The following CNGA1 variants were observed in gnomAD, a reference collection of about 807,000 sequenced individuals.
The protein encoded by CNGA1 is cyclic nucleotide gated channel subunit alpha 1, also known as cyclic nucleotide-gated channel alpha-1.
Under a neutral mutation model 69.7 loss-of-function variants are expected in CNGA1, and 53 were observed. The ratio of observed to expected loss-of-function variants is 0.76; its 90% CI spans 0.61 to 0.96. CNGA1 has a LOEUF of 0.96. Ranked by LOEUF, CNGA1 falls within the 40% of genes least tolerant of loss-of-function variation. CNGA1 has a pLI of 0.00. For synonymous variants in CNGA1, 249 were observed against 283.5 expected, an observed-to-expected ratio of 0.88 and a Z score of 1.22; for missense variants, 739 against 811.2, an observed-to-expected ratio of 0.91 and a Z score of 1.08.
chr4:48,008,480 TA>T (rs1361504940), intron 2 of CNGA1, among the ~76,000 whole-genome samples: 2 of 152,208 alleles, frequency 1.3e-5, no homozygotes, highest in African/African-American at 4.8e-5. Flanking sequence ...CCACCTTTTT[TA>T]AAAGGACACT....
intron 2 of CNGA1, among the ~76,000 whole-genome samples, chr4:47,992,449 C>A (rs1241155017): frequency 6.7e-6 from 1 of 149,222 alleles, no homozygotes; most frequent in African/African-American, 2.5e-5. Context: ...AGTTTGAGTT[C>A]TTGATTTGAT....
At chr4:47,985,500 CT>C (rs988171070) in intron 2 of CNGA1, among the ~76,000 whole-genome samples, 106 of 152,226 alleles carry the variant, frequency 7.0e-4, no homozygotes, top group African/African-American at 2.5e-3. Context: ...TTGAAACTTT[CT>C]TAAATGATTT....
chr4:47,962,422 GA>G (rs55895627), intron 3 of CNGA1, among the ~76,000 whole-genome samples: 80,128 of 149,780 alleles, frequency 0.53, 22,998 homozygotes, highest in Non-Finnish European at 0.64. Context: ...TGTTGAAAAT[GA>G]AAAAAAAAAG....
intron 2 of CNGA1, among the ~76,000 whole-genome samples, chr4:47,989,615 T>C (rs1446647781): frequency 6.6e-6 from 1 of 152,184 alleles, no homozygotes; most frequent in East Asian, 1.9e-4. Context: ...AAAAGTTAAA[T>C]AATCAAAATT....
chr4:48,016,471 TCC>T lies in CNGA1; in HGVS notation c.-223+10_-223+11del. 3.3e-6 allele frequency: 1 copy of T among 307,316 alleles called. No individual in the cohort carries two copies. Among genetic ancestry groups the T allele is most frequent in the Non-Finnish European group, 6.0e-6 (1 of 166,626 alleles). 19.0% of individuals were successfully genotyped at this position (307,316 alleles called of 1,614,324 possible). On this transcript the variant is annotated intron_variant, in intron 1 of 10. Coordinates refer to ENST00000514170, the MANE Select transcript of CNGA1 (RefSeq NM_001379270.1). ...CAGTGCAGCCTCCACTCCACTCAAT[TCC>T]CGGAGTTACCTTGGCGGGCTCCACG...
intron 3 of CNGA1, among the ~76,000 whole-genome samples, chr4:47,979,499 T>A (rs6854375): frequency 0.11 from 17,244 of 152,116 alleles, 1,576 homozygotes; most frequent in East Asian, 0.32. Context: ...CTGAGGTAAA[T>A]GGCTGTAGCA....
intron 2 of CNGA1, among the ~76,000 whole-genome samples, chr4:47,991,484 A>G (rs1742266011): frequency 6.6e-6 from 1 of 152,056 alleles, no homozygotes; most frequent in African/African-American, 2.4e-5. Flanking sequence ...TTGTCTATTC[A>G]TGTTCTTAGC....
intron 3 of CNGA1, among the ~76,000 whole-genome samples, chr4:47,962,534 T>G (rs1740507269): frequency 6.6e-6 from 1 of 152,164 alleles, no homozygotes; most frequent in African/African-American, 2.4e-5. Flanking sequence ...TTCAGGTAAT[T>G]CTCACTACAA....
At chr4:48,008,096 T>G (rs1267125983) in intron 2 of CNGA1, among the ~76,000 whole-genome samples, 2 of 152,206 alleles carry the variant, frequency 1.3e-5, no homozygotes, top group Non-Finnish European at 2.9e-5. Context: ...TAAATGTTTT[T>G]GGGTTTTTTT....
At chr4:47,981,367 A>G (rs1000354809) in intron 3 of CNGA1, 26 bp downstream of exon 3, 5 of 152,188 alleles carry the variant, frequency 3.3e-5, no homozygotes, top group Admixed American at 2.6e-4. Context: ...ATATAACTCT[A>G]ATTATCGTTA....
intron 5 of CNGA1, among the ~76,000 whole-genome samples, chr4:47,950,438 T>C (rs1020384214): frequency 4.6e-5 from 7 of 152,210 alleles, no homozygotes; most frequent in Admixed American, 3.3e-4. Context: ...TCTTTATAAA[T>C]TAACCAGTCT....
intron 9 of CNGA1, 103 bp downstream of exon 9, chr4:47,941,938 A>T (rs1222415748): frequency 1.4e-6 from 1 of 699,568 alleles, no homozygotes; most frequent in East Asian, 2.7e-5. Context: ...TAGAGAAAGG[A>T]GGTGTGTCCT....
intron 2 of CNGA1, among the ~76,000 whole-genome samples, chr4:47,990,202 G>C (rs1742197550): frequency 6.6e-6 from 1 of 152,148 alleles, no homozygotes; most frequent in Non-Finnish European, 1.5e-5. Context: ...AGGTCTGACT[G>C]CCTGTGGGGT....
chr4:47,975,038 G>A (rs1387411624), intron 3 of CNGA1, among the ~76,000 whole-genome samples: 1 of 152,152 alleles, frequency 6.6e-6, no homozygotes, highest in Non-Finnish European at 1.5e-5. Context: ...ACAAATACTA[G>A]TTGATAATAT....
At position 47,992,900 on chromosome 4, in the gene CNGA1, A is replaced by G. The variant is rs183393707; in HGVS notation, c.-122-11400T>C. Reference sequence around the variant, plus strand: ...ATTTTGCTGAGAGTTTTAATCATAAAAGGATGTTGGATTTTGTTGAATGCT... The same window carrying G: ...ATTTTGCTGAGAGTTTTAATCATAAGAGGATGTTGGATTTTGTTGAATGCT... On this transcript the variant is annotated intron_variant, in intron 2 of 10. Transcript: ENST00000514170. 1.4e-4 allele frequency among the ~76,000 whole-genome samples: 22 copies of G among 152,166 alleles called. No individual in the cohort carries two copies. The East Asian group carries it at 3.9e-3, about 27-fold the overall frequency.
intron 1 of CNGA1, 25 bp from the exon 2 acceptor site, chr4:48,010,918 G>A (rs2109356316): frequency 6.6e-6 from 1 of 152,506 alleles, no homozygotes; most frequent in Admixed American, 6.5e-5. Context: ...GACCAGAAGA[G>A]TGCAGTTGCA....
chr4:47,976,391 A>G (rs1318322517), intron 3 of CNGA1, among the ~76,000 whole-genome samples: 1 of 148,430 alleles, frequency 6.7e-6, no homozygotes, highest in African/African-American at 2.5e-5. Flanking sequence ...TGAATGTCTT[A>G]CTTTCCCAGT....
rs115991820 is a variant in CNGA1, at chr4:47,989,786, C to T, written c.-122-8286G>A. On this transcript the variant is annotated intron_variant, in intron 2 of 10. Coordinates refer to ENST00000514170, the MANE Select transcript of CNGA1 (RefSeq NM_001379270.1). ...CTGAACCCTATTTGTAGTCTTTGCT[C>T]CCTCACCCCCTTCCCACCCTTTCCC... 7.3e-4 allele frequency among the ~76,000 whole-genome samples: 111 copies of T among 151,800 alleles called. 6 individuals are homozygous for T. The highest frequency in any genetic ancestry group is 2.5e-3 in the African/African-American group (101 of 41,150).
rs1738688368 is a variant in CNGA1, at chr4:47,936,921, CG to C, written c.1560del (p.Ala521LeufsTer14). ...GTGACTCCATCATCTGCCACCACAG[CG>C]AGTTTGCCTTCCTTGATAATGTACA... The part of the protein sequence containing the change: ...REMYIIKEGK[L>X]AVVADDGVTQ... On this transcript the variant is annotated frameshift_variant, in exon 11 of 11. Transcript: ENST00000514170. LOFTEE classifies it high-confidence loss of function. The C allele has an allele frequency of 6.2e-7, 1 of 1,613,946 alleles. No homozygotes were observed. The highest frequency in any genetic ancestry group is 1.3e-5 in the African/African-American group (1 of 74,916).
Sources: allele counts gnomAD v4.1 joint callset (sites outside exome capture counted in the v4.1 genomes callset), GRCh38; gene constraint gnomAD v4.1.1; transcripts MANE v1.5; gene names NCBI Gene and HGNC (gene_info 2026-07-23, HGNC 2026-07-21).